URB2: variants seen among roughly 807,000 people sequenced by gnomAD.
URB2 encodes the protein URB2 ribosome biogenesis homolog.
URB2 carries 86 observed loss-of-function variants against 120.9 expected under a neutral mutation model. That is an observed-to-expected ratio of 0.71 (90% CI 0.60 to 0.85). The LOEUF (loss-of-function observed/expected upper bound fraction) is 0.85, where lower values mean the gene tolerates loss of function less well. Among genes scored for constraint, URB2 ranks in the 40% least tolerant of loss-of-function variants. The pLI, the probability that URB2 is intolerant of heterozygous loss-of-function variation, is 0.00. For synonymous variants in URB2, 755 were observed against 758.4 expected (o/e 1.00, Z 0.07); for missense variants, 1,765 against 1,836.5 (o/e 0.96, Z 0.71).
chr1:229,641,886 T>C (rs939154082), intron 4 of URB2, among the ~76,000 whole-genome samples: 1 of 152,050 alleles, frequency 6.6e-6, no homozygotes, highest in Non-Finnish European at 1.5e-5. Flanking sequence ...AGCATGCACC[T>C]GTGGTCCCAA....
In URB2 at chr1:229,639,793, T is replaced by C. The variant is rs1270697658; in HGVS notation, c.3634+1546T>C. ...TCAATGTCATCAAAGTGTTTTAGTCTGAAGGCAGCCTTCCAAGCAGCAAAC... is the reference window on the plus strand; with the variant it reads ...TCAATGTCATCAAAGTGTTTTAGTCCGAAGGCAGCCTTCCAAGCAGCAAAC... On this transcript the variant is annotated intron_variant, in intron 4 of 9. Coordinates refer to ENST00000258243, the MANE Select transcript of URB2 (RefSeq NM_014777.4). Among the ~76,000 whole-genome samples, 5 of 152,296 alleles carry C rather than the reference T, an allele frequency of 3.3e-5. No individual in the cohort carries two copies. In the East Asian group the frequency reaches 7.7e-4, roughly 23 times the overall value.
intron 4 of URB2, among the ~76,000 whole-genome samples, chr1:229,643,160 G>A (rs1666053957): frequency 6.6e-6 from 1 of 152,222 alleles, no homozygotes; most frequent in Non-Finnish European, 1.5e-5. Flanking sequence ...GGTTGGTCTT[G>A]CAGTCTCAGG....
At chr1:229,657,627 TTTTG>T (rs1391752089) in intron 9 of URB2, among the ~76,000 whole-genome samples, 1 of 152,214 alleles carries the variant, frequency 6.6e-6, no homozygotes, top group Non-Finnish European at 1.5e-5. Context: ...TTTCGTTTTG[TTTTG>T]TTTTTTTCTT....
intron 4 of URB2, among the ~76,000 whole-genome samples, chr1:229,638,978 A>G (rs554840551): frequency 1.3e-5 from 2 of 152,172 alleles, no homozygotes; most frequent in Non-Finnish European, 2.9e-5. Flanking sequence ...TCAGTGCCAT[A>G]AATTGACTTT....
rs753094510 is a variant in URB2 at position 229,636,326 on chromosome 1, G to A, written c.1713G>A (p.Met571Ile). The change falls in exon 4 of 10, where the codon ATG (methionine) becomes ATA (isoleucine). Residue 571 changes from methionine (M) to isoleucine (I), a missense_variant. Met to Ile is a conservative substitution (Grantham distance 10). Transcript: ENST00000258243. ...CCATTGTCAGACGGACACAGTGCATGATGGAGAGGATGATGAGGGAGCTCG... is the reference window on the plus strand; with the variant it reads ...CCATTGTCAGACGGACACAGTGCATAATGGAGAGGATGATGAGGGAGCTCG... ...PLPIVRRTQC[M>I]MERMMRELVQ... 1 of 1,614,150 alleles carries A rather than the reference G, an allele frequency of 6.2e-7. No individual in the cohort carries two copies. The highest frequency in any genetic ancestry group is 1.3e-5 in the African/African-American group (1 of 74,960).
intron 4 of URB2, among the ~76,000 whole-genome samples, 158 bp downstream of exon 4, chr1:229,638,405 G>A (rs1322090908): frequency 2.6e-5 from 4 of 152,108 alleles, no homozygotes; most frequent in African/African-American, 9.7e-5. Flanking sequence ...CAGCACTTTG[G>A]GAGGCCGAGG....
intron 1 of URB2, among the ~76,000 whole-genome samples, chr1:229,626,613 G>GGGCAGGGAGTGCT (rs1269122570): frequency 4.6e-5 from 7 of 152,262 alleles, no homozygotes; most frequent in Admixed American, 6.5e-5. Context: ...TCTTTCTGCT[G>GGGCAGGGAGTGCT]GGCAGGGAGT....
chr1:229,653,942 T>G (rs974224862), intron 8 of URB2, among the ~76,000 whole-genome samples: 4 of 149,842 alleles, frequency 2.7e-5, no homozygotes, highest in African/African-American at 9.8e-5. Flanking sequence ...TGGTGTTTTT[T>G]TTTTTTTTTT....
chr1:229,654,075 CTGTT>C (rs1395875394), intron 8 of URB2, among the ~76,000 whole-genome samples, 170 bp from the exon 9 acceptor site: 1 of 151,014 alleles, frequency 6.6e-6, no homozygotes, highest in African/African-American at 2.4e-5. Flanking sequence ...GTGTAGATAA[CTGTT>C]TGGACATATC....
chr1:229,640,025 A>G lies in URB2; in HGVS notation c.3634+1778A>G, dbSNP rs569283456. Among the ~76,000 whole-genome samples, 9 of 152,368 alleles carry G rather than the reference A, an allele frequency of 5.9e-5. No individual in the cohort carries two copies. In the East Asian group the frequency reaches 1.3e-3, roughly 23 times the overall value. Reference sequence around the variant, plus strand: ...AGTATGAAATGTTAAATATGCCACAATTACAGCTATATAAGATATACATGC... The same window carrying G: ...AGTATGAAATGTTAAATATGCCACAGTTACAGCTATATAAGATATACATGC... On this transcript the variant is annotated intron_variant, in intron 4 of 9. Coordinates refer to ENST00000258243, the MANE Select transcript of URB2 (RefSeq NM_014777.4).
intron 6 of URB2, 115 bp downstream of exon 6, chr1:229,646,084 G>T: frequency 1.1e-6 from 1 of 912,294 alleles, no homozygotes; most frequent in Non-Finnish European, 1.7e-6. Context: ...CGTGTGTGTG[G>T]GCTACTTCCA....
Position 229,637,055 on chromosome 1 carries a change from C to G in URB2, c.2442C>G (p.Cys814Trp). ...CCCTTCATTCTGCTTTCTTAACGTG[C>G]GTAACCACAAGTTGCTCCAGCATTC... Reference protein sequence around the residue: ...MQSLHSAFLTCVTTSCSSILC... With the variant: ...MQSLHSAFLTWVTTSCSSILC... Residue 814 changes from cysteine (C) to tryptophan (W), a missense_variant, in exon 4 of 10, where the codon TGC (cysteine) becomes TGG (tryptophan). Physicochemically the swap from Cys to Trp is radical, Grantham distance 215. Coordinates refer to ENST00000258243, the MANE Select transcript of URB2 (RefSeq NM_014777.4). The G allele has an allele frequency of 6.2e-7, 1 of 1,614,022 alleles. No individual in the cohort carries two copies.
intron 1 of URB2, among the ~76,000 whole-genome samples, chr1:229,626,602 C>T (rs1190924586): frequency 1.3e-5 from 2 of 152,264 alleles, no homozygotes; most frequent in South Asian, 2.1e-4. Context: ...GTTGCTTGGT[C>T]TCTTTCTGCT....
chr1:229,659,065 C>G (rs964350920), intron 9 of URB2, 35 bp from the exon 10 acceptor site: 2 of 1,594,666 alleles, frequency 1.3e-6, no homozygotes, highest in South Asian at 2.2e-5. Flanking sequence ...TCTCTGCCCC[C>G]AATTGTTCTC....
At chr1:229,647,114 T>G (rs914398935) in intron 6 of URB2, among the ~76,000 whole-genome samples, 1 of 152,112 alleles carries the variant, frequency 6.6e-6, no homozygotes, top group Non-Finnish European at 1.5e-5. Context: ...TAGAATCCAC[T>G]TACGTCCACC....
In URB2 at chr1:229,637,925, G is replaced by A. The variant is rs1463483490; in HGVS notation, c.3312G>A (p.Val1104=). The change falls in exon 4 of 10, where the codon GTG becomes GTA. Residue 1104 remains valine (V), a synonymous_variant. Coordinates refer to ENST00000258243, the MANE Select transcript of URB2 (RefSeq NM_014777.4). ...GAGCTGTGCTGCAGCTCTGCTCAGT[G>A]CCGGGGGCCCGGGGCTGGCGCCTTC... The part of the protein sequence containing the change: ...QTGAVLQLCS[V]PGARGWRLPS... 2.5e-6 allele frequency: 4 copies of A among 1,612,244 alleles called. No individual in the cohort carries two copies. The highest frequency in any genetic ancestry group is 2.7e-5 in the African/African-American group (2 of 74,892).
Position 229,635,273 on chromosome 1 carries a change from T to G in URB2, c.660T>G (p.Ala220=). Residue 220 remains alanine (A), a synonymous_variant, in exon 4 of 10, where the codon GCT becomes GCG. Coordinates refer to ENST00000258243, the MANE Select transcript of URB2 (RefSeq NM_014777.4). ...HLLSGGTWTQ[A]GQGQLRQVLS... is the part of the protein sequence containing the mutation. The stretch of plus-strand genomic sequence containing the variant: ...TCTCTGGGGGCACATGGACGCAGGC[T>G]GGCCAGGGCCAGCTGAGGCAGGTGC... The G allele has an allele frequency of 6.2e-7, 1 of 1,614,212 alleles. No individual in the cohort carries two copies. The highest frequency in any genetic ancestry group is 8.5e-7 in the Non-Finnish European group (1 of 1,180,044).
rs142483982 is a variant in URB2 at position 229,643,627 on chromosome 1, G to C, written c.3729G>C (p.Leu1243Phe). Residue 1243 changes from leucine to phenylalanine, a missense_variant, in exon 5 of 10, where the codon TTG becomes TTC. Physicochemically the swap from Leu to Phe is conservative, Grantham distance 22. Transcript: ENST00000258243. Reference sequence around the variant, plus strand: ...TAGAGGTTGGGACGACAGAGGACTTGAGGCTGGTGATGCAGTGTATTCTCC... The same window carrying C: ...TAGAGGTTGGGACGACAGAGGACTTCAGGCTGGTGATGCAGTGTATTCTCC... The part of the protein sequence containing the change: ...QMLEVGTTED[L>F]RLVMQCILQG... 22 of 1,614,226 alleles carry C rather than the reference G, an allele frequency of 1.4e-5. No individual in the cohort carries two copies. In the African/African-American group the frequency reaches 2.8e-4, roughly 21 times the overall value.
In URB2 at chr1:229,627,745, C is replaced by G; in HGVS notation, c.112C>G (p.Pro38Ala). 6.2e-7 allele frequency: 1 copy of G among 1,609,306 alleles called. No individual in the cohort carries two copies. The highest frequency in any genetic ancestry group is 8.5e-7 in the Non-Finnish European group (1 of 1,177,724). Reference protein sequence around the residue: ...FAWISHQCFLPNKEQVLLDWA... With the variant: ...FAWISHQCFLANKEQVLLDWA... The stretch of plus-strand genomic sequence containing the variant: ...TTGGATTTCTCACCAGTGCTTTCTT[C>G]CAAATAAAGAACAAGTAAGTTTAAT... Residue 38 changes from proline to alanine, a missense_variant, in exon 2 of 10, where the codon CCA becomes GCA. Physicochemically the swap from Pro to Ala is conservative, Grantham distance 27 (BLOSUM62 -1). Coordinates refer to ENST00000258243, the MANE Select transcript of URB2 (RefSeq NM_014777.4).
Sources: gnomAD v4.1 joint callset for allele counts (sites outside exome capture counted in the v4.1 genomes callset) on GRCh38, gnomAD v4.1.1 for gene constraint, MANE v1.5 for transcripts, NCBI Gene and HGNC (gene_info 2026-07-23, HGNC 2026-07-21) for gene names.